The following ART3 variants were observed in gnomAD, a reference collection of about 807,000 sequenced individuals.
ART3 encodes ADP-ribosyltransferase 3 (inactive), also known as ecto-ADP-ribosyltransferase 3.
Under a neutral mutation model 48.5 loss-of-function variants are expected in ART3, and 49 were observed. The ratio of observed to expected loss-of-function variants is 1.01; its 90% confidence interval spans 0.80 to 1.28. ART3 has a LOEUF of 1.28. Ranked by LOEUF, ART3 falls within the 50% of genes most tolerant of loss-of-function variation. ART3 has a pLI of 0.00. For missense variants in ART3, 438 were observed against 454.3 expected (o/e 0.96, Z 0.33); for synonymous variants, 145 against 157.2 (o/e 0.92, Z 0.58).
chr4:76,109,932 T>C (rs796392862), intron 11 of ART3, among the ~76,000 whole-genome samples: 13 of 152,324 alleles, frequency 8.5e-5, no homozygotes, highest in African/African-American at 2.9e-4. Flanking sequence ...TTATGAAATC[T>C]GAGTGGTGAT....
rs1020503764 is a variant in ART3 at position 76,051,945 on chromosome 4, C to T, written c.-9-23936C>T. 5.5e-5 allele frequency among the ~76,000 whole-genome samples: 8 copies of T among 145,068 alleles called. No individual in the cohort carries two copies. The South Asian group carries it at 1.8e-3, about 32-fold the overall frequency. ...TGAGACAGAGTTTCGCTCTTGCTGC[C>T]CAGGCTGGAGTGGAGTGCAATGGCG... is the stretch of plus-strand genomic sequence containing the variant. On this transcript the variant is annotated intron_variant, in intron 1 of 9. Coordinates refer to the ART3 transcript ENST00000341029.
chr4:76,086,395 C>T (rs1723585024), intron 3 of ART3, among the ~76,000 whole-genome samples: 2 of 152,128 alleles, frequency 1.3e-5, no homozygotes, highest in South Asian at 4.2e-4. Flanking sequence ...ATTGCATGAT[C>T]TCAGTTATAT....
At chr4:76,096,600 T>C (rs1362475933) in intron 3 of ART3, among the ~76,000 whole-genome samples, 1 of 152,196 alleles carries the variant, frequency 6.6e-6, no homozygotes, top group Non-Finnish European at 1.5e-5. Flanking sequence ...GTATGGCTCA[T>C]ACTGCACCCA....
chr4:76,048,649 A>G (rs1356265115), intron 1 of ART3, among the ~76,000 whole-genome samples: 2 of 151,922 alleles, frequency 1.3e-5, no homozygotes, highest in Non-Finnish European at 2.9e-5. Flanking sequence ...TGATCAGAAT[A>G]GTTGTGCTCA....
At chr4:76,022,019 A>T in intron 1 of ART3, 1 of 1,353,404 alleles carries the variant, frequency 7.4e-7, no homozygotes, top group Admixed American at 1.7e-5. Context: ...TGTGTTTGGA[A>T]AGTACCGAGT....
At chr4:76,099,083 C>CTT (rs1267148397) in intron 5 of ART3, 96 bp downstream of exon 5, 8 of 1,145,908 alleles carry the variant, frequency 7.0e-6, no homozygotes, top group African/African-American at 1.5e-5. Flanking sequence ...GAGTGGATCA[C>CTT]TTGAGCCCAG....
intron 3 of ART3, among the ~76,000 whole-genome samples, chr4:76,082,888 A>G (rs553910307): frequency 2.6e-5 from 4 of 152,234 alleles, no homozygotes; most frequent in South Asian, 2.1e-4. Flanking sequence ...ACTGATAGAC[A>G]ATGCATAGGA....
At chr4:76,067,527 C>A (rs758543192) in intron 1 of ART3, among the ~76,000 whole-genome samples, 1 of 152,212 alleles carries the variant, frequency 6.6e-6, no homozygotes, top group Non-Finnish European at 1.5e-5. Context: ...GGAGACCAGA[C>A]TAACAGCTAG....
chr4:76,012,187 G>A (rs1731865210), intron 1 of ART3: 1 of 152,176 alleles, frequency 6.6e-6, no homozygotes, highest in African/African-American at 2.4e-5. Flanking sequence ...CTTTTTGGTT[G>A]TGGAATCGAG....
Position 76,061,657 on chromosome 4 carries a change from C to G in ART3, c.-9-14224C>G, listed in dbSNP as rs920977294. Among the ~76,000 whole-genome samples the G allele has an allele frequency of 4.7e-4, 71 of 152,182 alleles. 2 individuals are homozygous for G. The highest frequency in any genetic ancestry group is 1.3e-4 in the Non-Finnish European group (9 of 68,024). On this transcript the variant is annotated intron_variant, in intron 1 of 9. Coordinates refer to the ART3 transcript ENST00000341029. ...CTCTTTCCTCCCCAACTTTTTAACT[C>G]TTTGTGTTCCATAAAACATATCATG...
intron 1 of ART3, among the ~76,000 whole-genome samples, chr4:76,049,968 G>A (rs1430656086): frequency 2.0e-5 from 3 of 151,804 alleles, no homozygotes; most frequent in Non-Finnish European, 4.4e-5. Context: ...GCTCAGGAGT[G>A]AAGCTGCAGA....
intron 8 of ART3, among the ~76,000 whole-genome samples, chr4:76,101,260 G>A (rs1419055877): frequency 6.6e-6 from 1 of 152,202 alleles, no homozygotes; most frequent in East Asian, 1.9e-4. Flanking sequence ...ATAGAGGAAG[G>A]TGTGACTAAT....
At chr4:76,086,571 T>C (rs1344676958) in intron 3 of ART3, among the ~76,000 whole-genome samples, 1 of 152,194 alleles carries the variant, frequency 6.6e-6, no homozygotes, top group Non-Finnish European at 1.5e-5. Context: ...TCAGTAAAAT[T>C]GTATTTTACT....
rs1722545091 is a variant in ART3, at chr4:76,081,806, T to C, written c.70-18T>C. The C allele has an allele frequency of 1.3e-6, 2 of 1,589,494 alleles. No individual in the cohort carries two copies. The highest frequency in any genetic ancestry group is 2.3e-5 in the South Asian group (2 of 88,186). On this transcript the variant is annotated intron_variant, in intron 2 of 11. Transcript: ENST00000355810. The stretch of plus-strand genomic sequence containing the variant: ...GAATTTCTTATTTCAAGAGTATTAA[T>C]TTCTTTTTCCTTTGAAGGTGAAGGC...
intron 3 of ART3, among the ~76,000 whole-genome samples, chr4:76,085,990 T>C (rs528618548): frequency 3.2e-4 from 48 of 152,080 alleles, no homozygotes; most frequent in African/African-American, 1.1e-3. Context: ...GAGAATTGCT[T>C]GAACCCAGGA....
intron 1 of ART3, among the ~76,000 whole-genome samples, chr4:76,069,348 C>T (rs1159187355): frequency 6.7e-6 from 1 of 149,960 alleles, no homozygotes; most frequent in Non-Finnish European, 1.5e-5. Context: ...GATCTGTCTA[C>T]TCTGGACATT....
chr4:76,081,934 A>G lies in ART3; in HGVS notation c.180A>G (p.Lys60=). 6.2e-7 allele frequency: 1 copy of G among 1,614,200 alleles called. No homozygotes were observed. Among genetic ancestry groups the G allele is most frequent in the Non-Finnish European group, 8.5e-7 (1 of 1,180,032 alleles). The part of the protein sequence containing the change: ...KYVPQLLKEE[K]ASHQQLDTVW... The stretch of plus-strand genomic sequence containing the variant: ...TTCCCCAACTGCTAAAGGAGGAAAA[A>G]GCAAGCCACCAGCAATTAGATACTG... Residue 60 remains lysine, a synonymous_variant, in exon 3 of 12, where the codon AAA becomes AAG. Coordinates refer to ENST00000355810, the MANE Select transcript of ART3 (RefSeq NM_001130016.3).
chr4:76,023,176 T>C (rs139953201), intron 1 of ART3, among the ~76,000 whole-genome samples: 3 of 152,266 alleles, frequency 2.0e-5, no homozygotes, highest in Admixed American at 1.3e-4. Flanking sequence ...TTTTTCCTTC[T>C]CTTTCTCTTA....
intron 1 of ART3, among the ~76,000 whole-genome samples, chr4:76,067,624 T>C (rs1181608743): frequency 6.6e-6 from 1 of 152,222 alleles, no homozygotes; most frequent in Non-Finnish European, 1.5e-5. Flanking sequence ...AAGGAATATG[T>C]ATTTCTCTTT....
Sources: gnomAD v4.1 joint callset for allele counts (sites outside exome capture counted in the v4.1 genomes callset) on GRCh38, gnomAD v4.1.1 for gene constraint, MANE v1.5 for transcripts, NCBI Gene and HGNC (gene_info 2026-07-23, HGNC 2026-07-21) for gene names.